TTLL4: variants seen among roughly 807,000 people sequenced by gnomAD.
The protein encoded by TTLL4 is tubulin monoglutamylase TTLL4.
In TTLL4, 85 loss-of-function variants were observed where a neutral mutation model predicts 122.7. That is an observed-to-expected ratio of 0.69 (90% CI 0.58 to 0.83). The LOEUF (loss-of-function observed/expected upper bound fraction) is 0.83. Among genes scored for constraint, TTLL4 ranks in the 40% least tolerant of loss-of-function variants. The probability of loss-of-function intolerance (pLI) is 0.00; values close to 1 mark genes in which losing one functional copy is unlikely to be tolerated. For missense variants in TTLL4, 1,363 were observed against 1,488.6 expected, an observed-to-expected ratio of 0.92 and a Z score of 1.39; for synonymous variants, 553 against 563.0, an observed-to-expected ratio of 0.98 and a Z score of 0.25.
chr2:218,728,847 T>G (rs941593920), intron 2 of TTLL4, among the ~76,000 whole-genome samples: 4 of 151,922 alleles, frequency 2.6e-5, no homozygotes, highest in African/African-American at 9.7e-5. Flanking sequence ...TGTCTGTCTT[T>G]AGGGATGTTT....
Position 218,745,672 on chromosome 2 carries a change from C to T in TTLL4, c.1787-19C>T. 1 of 1,535,438 alleles carries T rather than the reference C, an allele frequency of 6.5e-7. No individual in the cohort carries two copies. The highest frequency in any genetic ancestry group is 1.7e-4 in the Middle Eastern group (1 of 5,794). ...CTCCTCTCCATCCCCCATCCCCACA[C>T]CCCTTGCATTCTTCCCAGTGGAGAA... On this transcript the variant is annotated intron_variant, in intron 6 of 19. Transcript: ENST00000392102.
At chr2:218,717,468 G>A (rs1941896468) in intron 1 of TTLL4, among the ~76,000 whole-genome samples, 1 of 151,986 alleles carries the variant, frequency 6.6e-6, no homozygotes, top group Admixed American at 6.6e-5. Context: ...CCTTCCACTG[G>A]TTTCACTTTT....
chr2:218,718,990 A>G (rs572361036), intron 1 of TTLL4, among the ~76,000 whole-genome samples: 1 of 152,292 alleles, frequency 6.6e-6, no homozygotes, highest in African/African-American at 2.4e-5. Context: ...TGATCCATAC[A>G]ACTTTCTGCA....
chr2:218,725,372 A>G (rs1465769938), intron 1 of TTLL4, among the ~76,000 whole-genome samples: 2 of 151,108 alleles, frequency 1.3e-5, no homozygotes, highest in African/African-American at 2.4e-5. Context: ...GGCATGTGCC[A>G]TCATGCCTAG....
At position 218,752,767 on chromosome 2, in the gene TTLL4, T is replaced by G. The variant is rs1287213461; in HGVS notation, c.2981T>G (p.Phe994Cys). The G allele has an allele frequency of 8.7e-6, 14 of 1,614,090 alleles. No homozygotes were observed. Among genetic ancestry groups the G allele is most frequent in the Non-Finnish European group, 1.2e-5 (14 of 1,180,036 alleles). ...YLTQKIPDQD[F>C]YASVLDVLTP... is the part of the protein sequence containing the mutation. ...TCCCTGTTCCTTGGACCACAGGACT[T>G]CTATGCATCTGTGCTGGATGTCCTG... The change falls in exon 17 of 20, where the codon TTC (phenylalanine) becomes TGC (cysteine). Residue 994 changes from phenylalanine (F) to cysteine (C), a missense_variant. Phe to Cys is a radical substitution (Grantham distance 205). Around this residue, in one of 3 missense-constraint regions of TTLL4, gnomAD observed 596 missense variants for 655.8 expected, o/e 0.91. Coordinates refer to ENST00000392102, the MANE Select transcript of TTLL4 (RefSeq NM_014640.5).
At chr2:218,714,171 G>C (rs914394432) in intron 1 of TTLL4, among the ~76,000 whole-genome samples, 4 of 152,180 alleles carry the variant, frequency 2.6e-5, no homozygotes, top group African/African-American at 9.7e-5. Context: ...TGTGTGCCAG[G>C]CAAAGTGAGA....
intron 1 of TTLL4, among the ~76,000 whole-genome samples, chr2:218,716,503 T>C (rs962437124): frequency 6.6e-6 from 1 of 152,212 alleles, no homozygotes; most frequent in Non-Finnish European, 1.5e-5. Context: ...ATTTACACTG[T>C]GTCGGGCTGG....
At chr2:218,715,698 C>T (rs1015716449) in intron 1 of TTLL4, among the ~76,000 whole-genome samples, 2 of 151,992 alleles carry the variant, frequency 1.3e-5, no homozygotes, top group African/African-American at 2.4e-5. Flanking sequence ...GGCGCAATCT[C>T]GGCTCACTGC....
chr2:218,730,629 T>C (rs1301277799), intron 2 of TTLL4, among the ~76,000 whole-genome samples: 1 of 152,246 alleles, frequency 6.6e-6, no homozygotes, highest in African/African-American at 2.4e-5. Flanking sequence ...TGATGTTAGC[T>C]GTATCTATGG....
intron 3 of TTLL4, among the ~76,000 whole-genome samples, chr2:218,739,730 A>G (rs1942645391): frequency 6.6e-6 from 1 of 152,230 alleles, no homozygotes; most frequent in African/African-American, 2.4e-5. Context: ...CTGAGTTCCC[A>G]GAGAGTGGCC....
At position 218,749,318 on chromosome 2, in the gene TTLL4, T is replaced by C; in HGVS notation, c.2666T>C (p.Leu889Pro). The change falls in exon 14 of 20, where the codon CTC becomes CCC. Residue 889 changes from leucine (L) to proline (P), a missense_variant. Coordinates refer to ENST00000392102, the MANE Select transcript of TTLL4 (RefSeq NM_014640.5). ...YVRRPYSCHE[L>P]FGFDIMLDEN... is the part of the protein sequence containing the mutation. ...CGACGGCCCTATAGCTGCCATGAAC[T>C]CTTTGGTTTTGACATCATGCTAGAC... The C allele has an allele frequency of 6.2e-7, 1 of 1,614,150 alleles. No homozygotes were observed. The highest frequency in any genetic ancestry group is 1.3e-5 in the African/African-American group (1 of 75,018).
chr2:218,729,747 T>TAAAA (rs1559361797), intron 2 of TTLL4, among the ~76,000 whole-genome samples: 151 of 93,582 alleles, frequency 1.6e-3, no homozygotes, highest in Middle Eastern at 4.9e-3. Context: ...CTCTCTCTTT[T>TAAAA]TAAAAAAAAA....
rs1470546403 is a variant in TTLL4, at chr2:218,745,117, T to C, written c.1670T>C (p.Met557Thr). Reference sequence around the variant, plus strand: ...TTTGTTTTTCGTCTTAGAAGCTGTATGGAAATTCTGACCAAACCCCTTTCC... The same window carrying C: ...TTTGTTTTTCGTCTTAGAAGCTGTACGGAAATTCTGACCAAACCCCTTTCC... ...ESVAMISRSC[M>T]EILTKPLSNH... The change falls in exon 6 of 20, where the codon ATG becomes ACG. Residue 557 changes from methionine (M) to threonine (T), a missense_variant. Around this residue, in one of 3 missense-constraint regions of TTLL4, gnomAD observed 760 missense variants for 808.4 expected, o/e 0.94. Transcript: ENST00000392102. 1.2e-6 allele frequency: 2 copies of C among 1,613,984 alleles called. No individual in the cohort carries two copies. Among genetic ancestry groups the C allele is most frequent in the African/African-American group, 2.7e-5 (2 of 74,934 alleles).
intron 2 of TTLL4, among the ~76,000 whole-genome samples, chr2:218,731,219 T>G (rs1942372897): frequency 6.6e-6 from 1 of 152,160 alleles, no homozygotes; most frequent in South Asian, 2.1e-4. Flanking sequence ...GAGGCCAGCC[T>G]AGTCAACATA....
At chr2:218,742,877 C>G (rs1399679152) in intron 5 of TTLL4, among the ~76,000 whole-genome samples, 1 of 152,158 alleles carries the variant, frequency 6.6e-6, no homozygotes, top group Non-Finnish European at 1.5e-5. Flanking sequence ...AACCCCAGCA[C>G]TTTGGGAGGC....
chr2:218,723,302 T>G (rs1435483784), intron 1 of TTLL4, among the ~76,000 whole-genome samples: 1 of 152,226 alleles, frequency 6.6e-6, no homozygotes, highest in Non-Finnish European at 1.5e-5. Flanking sequence ...TGACAGCAAC[T>G]GTTTTCTCAG....
intron 1 of TTLL4, among the ~76,000 whole-genome samples, chr2:218,723,303 G>A (rs1407639123): frequency 6.6e-6 from 1 of 152,172 alleles, no homozygotes; most frequent in Admixed American, 6.6e-5. Context: ...GACAGCAACT[G>A]TTTTCTCAGT....
chr2:218,731,955 G>T (rs980691860), intron 2 of TTLL4, among the ~76,000 whole-genome samples: 5 of 152,202 alleles, frequency 3.3e-5, no homozygotes, highest in Non-Finnish European at 7.3e-5. Context: ...AAGCCCTCCT[G>T]TTCCCTAGGG....
chr2:218,741,729 T>G lies in TTLL4; in HGVS notation c.1661+1145T>G, dbSNP rs190803763. Among the ~76,000 whole-genome samples the G allele has an allele frequency of 1.1e-4, 17 of 152,280 alleles. No individual in the cohort carries two copies. In the East Asian group the frequency reaches 3.3e-3, roughly 29 times the overall value. On this transcript the variant is annotated intron_variant, in intron 5 of 19. Coordinates refer to ENST00000392102, the MANE Select transcript of TTLL4 (RefSeq NM_014640.5). Reference sequence around the variant, plus strand: ...TTGGATATTGATTAAGTACCTCCACTCTTCATAGGAGAAAGATATTTGACA... The same window carrying G: ...TTGGATATTGATTAAGTACCTCCACGCTTCATAGGAGAAAGATATTTGACA...
Sources: gnomAD v4.1 joint callset for allele counts (sites outside exome capture counted in the v4.1 genomes callset) on GRCh38, gnomAD v4.1.1 for gene constraint, gnomAD v4.1.1 regional missense constraint, MANE v1.5 for transcripts, NCBI Gene and HGNC (gene_info 2026-07-23, HGNC 2026-07-21) for gene names.